TEX51: variants seen among roughly 807,000 people sequenced by gnomAD.
The protein encoded by TEX51 is testis expressed 51.
In TEX51, 14 loss-of-function variants were observed where a neutral mutation model predicts 8.0. The observed-to-expected ratio is 1.76, with a 90% CI of 1.16 to 2.75. The LOEUF is 2.75. TEX51 is among the 30% of genes most tolerant of loss of function. TEX51 has a pLI of 0.00. For synonymous variants in TEX51, 58 were observed against 28.6 expected, an observed-to-expected ratio of 2.03 and a Z score of -3.29; for missense variants, 142 against 77.4, an observed-to-expected ratio of 1.83 and a Z score of -3.13.
rs930137858 is a variant in TEX51 at position 126,899,937 on chromosome 2, C to T, written c.312C>T (p.Asp104=). The part of the protein sequence containing the change: ...NKISDGLKEK[D]IQSTLKVTSC... Reference sequence around the variant, plus strand: ...GCCCCTGTCCCTCCCCTCCCATAGACATACAGTCCACACTGAAGGTCACCA... The same window carrying T: ...GCCCCTGTCCCTCCCCTCCCATAGATATACAGTCCACACTGAAGGTCACCA... Residue 104 remains aspartate (D), a splice_region_variant and synonymous_variant, in exon 4 of 7, where the codon GAC becomes GAT. Coordinates refer to ENST00000568484, the MANE Select transcript of TEX51 (RefSeq NM_001322244.2). 34 of 701,960 alleles carry T rather than the reference C, an allele frequency of 4.8e-5. No homozygotes were observed. The highest frequency in any genetic ancestry group is 7.3e-5 in the Non-Finnish European group (28 of 384,758). 43.5% of individuals were successfully genotyped at this position (701,960 alleles called of 1,614,324 possible).
chr2:126,899,782 T>C (rs1237559140), intron 3 of TEX51, 154 bp from the exon 4 acceptor site: 1 of 701,864 alleles, frequency 1.4e-6, no homozygotes. Context: ...ACCCCTTGGC[T>C]CTGTCTGCCT....
chr2:126,899,332 G>C, intron 2 of TEX51, 41 bp downstream of exon 2: 1 of 701,930 alleles, frequency 1.4e-6, no homozygotes, highest in Middle Eastern at 2.3e-4. Context: ...GGCTTGGGTT[G>C]ACAAAGGCCC....
rs61730220 is a variant in TEX51, at chr2:126,899,285, C to G, written c.214C>G (p.Arg72Gly). 10 of 701,946 alleles carry G rather than the reference C, an allele frequency of 1.4e-5. No individual in the cohort carries two copies. The highest frequency in any genetic ancestry group is 1.0e-4 in the Admixed American group (5 of 49,966). The allele number at this position is 701,946 out of a possible 1,614,324, so 43.5% of individuals were successfully genotyped here. Residue 72 changes from arginine to glycine, a missense_variant, in exon 2 of 7, where the codon CGA becomes GGA. Arg to Gly is a moderately radical substitution (Grantham distance 125). Coordinates refer to ENST00000568484, the MANE Select transcript of TEX51 (RefSeq NM_001322244.2). The part of the protein sequence containing the change: ...TQVHQAIKTL[R>G]DDKTVLLEEI... Reference sequence around the variant, plus strand: ...AGTACACCAAGCCATTAAAACGTTACGAGATGGTGAGGAAGCCAAGAGCCC... The same window carrying G: ...AGTACACCAAGCCATTAAAACGTTAGGAGATGGTGAGGAAGCCAAGAGCCC...
chr2:126,901,994 G>C lies in TEX51; in HGVS notation c.*125G>C. 1.7e-6 allele frequency: 1 copy of C among 581,438 alleles called. No homozygotes were observed. Among genetic ancestry groups the C allele is most frequent in the Non-Finnish European group, 3.1e-6 (1 of 326,094 alleles). 36.0% of individuals were successfully genotyped at this position (581,438 alleles called of 1,614,324 possible). A position where few individuals can be genotyped will look rare whatever the true frequency, so the allele number is the denominator to read the frequency against. On this transcript the variant is annotated 3_prime_UTR_variant, in exon 7 of 7. Transcript: ENST00000568484. ...CCCATACCCTCCATCCTGGGTCCTGGGGCCCCAAAGCTCTGAGGCCTAGGA... is the reference window on the plus strand; with the variant it reads ...CCCATACCCTCCATCCTGGGTCCTGCGGCCCCAAAGCTCTGAGGCCTAGGA...
Position 126,901,965 on chromosome 2 carries a change from T to C in TEX51, c.*96T>C, listed in dbSNP as rs1486106938. 4 of 658,080 alleles carry C rather than the reference T, an allele frequency of 6.1e-6. No homozygotes were observed. The highest frequency in any genetic ancestry group is 3.3e-5 in the South Asian group (2 of 61,148). 40.8% of individuals were successfully genotyped at this position (658,080 alleles called of 1,614,324 possible). On this transcript the variant is annotated 3_prime_UTR_variant, in exon 7 of 7. Transcript: ENST00000568484. ...TCATCTCTGGGTCCCGGTGACCCCA[T>C]CCCCCCATACCCTCCATCCTGGGTC...
chr2:126,899,652 C>G, intron 3 of TEX51, 40 bp downstream of exon 3: 1 of 695,368 alleles, frequency 1.4e-6, no homozygotes, highest in Non-Finnish European at 2.6e-6. Context: ...GCCCAGCCCT[C>G]CACACCTGCC....
At chr2:126,900,227 T>C (rs769599818) in intron 4 of TEX51, among the ~76,000 whole-genome samples, 3 of 151,902 alleles carry the variant, frequency 2.0e-5, no homozygotes, top group Non-Finnish European at 4.4e-5. Flanking sequence ...AGGACATCAC[T>C]CATGGAGGCC....
chr2:126,901,685 G>C (rs1250184198), intron 6 of TEX51, among the ~76,000 whole-genome samples, 187 bp from the exon 7 acceptor site: 2 of 152,118 alleles, frequency 1.3e-5, no homozygotes, highest in East Asian at 1.9e-4. Flanking sequence ...CCTGTCCCCT[G>C]CACACCCCAC....
At position 126,902,074 on chromosome 2, in the gene TEX51, A is replaced by G; in HGVS notation, c.*205A>G. ...CTACACCTTTGTAAAGAGTCTCTTC[A>G]TTAAAACCCCTCTTCATAGCCTAGT... On this transcript the variant is annotated 3_prime_UTR_variant, in exon 7 of 7. Coordinates refer to ENST00000568484, the MANE Select transcript of TEX51 (RefSeq NM_001322244.2). 2.2e-6 allele frequency: 1 copy of G among 457,856 alleles called. No individual in the cohort carries two copies. The highest frequency in any genetic ancestry group is 3.8e-6 in the Non-Finnish European group (1 of 259,790). The allele number at this position is 457,856 out of a possible 1,614,324, so 28.4% of individuals were successfully genotyped here.
rs1313973396 is a variant in TEX51, at chr2:126,899,216, G to C, written c.146-1G>C. On this transcript the variant is annotated splice_acceptor_variant, in intron 1 of 6. Coordinates refer to ENST00000568484, the MANE Select transcript of TEX51 (RefSeq NM_001322244.2). LOFTEE classifies it high-confidence loss of function. ...CCCTTTGACCTGTATCTCATCCTCA[G>C]ATCGTGACCATTTGGAAGAAGAAAC... 7.1e-6 allele frequency: 5 copies of C among 702,152 alleles called. No homozygotes were observed. The highest frequency in any genetic ancestry group is 7.0e-5 in the African/African-American group (4 of 57,212). The allele number at this position is 702,152 out of a possible 1,614,324, so 43.5% of individuals were successfully genotyped here.
intron 6 of TEX51, 86 bp from the exon 7 acceptor site, chr2:126,901,786 T>A (rs759951052): frequency 5.3e-6 from 3 of 566,330 alleles, no homozygotes; most frequent in Non-Finnish European, 9.4e-6. Context: ...CAGGGGAGAC[T>A]CCCAGGAGGA....
At chr2:126,901,071 G>GC in intron 4 of TEX51, 139 bp from the exon 5 acceptor site, 1 of 561,332 alleles carries the variant, frequency 1.8e-6, no homozygotes, top group South Asian at 2.4e-5. Context: ...TATGTGCTGG[G>GC]CGCACAGCGT....
At position 126,901,086 on chromosome 2, in the gene TEX51, A is replaced by G. The variant is rs987931101; in HGVS notation, c.395-124A>G. On this transcript the variant is annotated intron_variant, in intron 4 of 6. Coordinates refer to ENST00000568484, the MANE Select transcript of TEX51 (RefSeq NM_001322244.2). ...TATGTGCTGGGCGCACAGCGTGCTC[A>G]GTAAGTGTTTGCAAACACATCATGA... 2.8e-5 allele frequency: 16 copies of G among 579,772 alleles called. No individual in the cohort carries two copies. In the East Asian group the frequency reaches 4.2e-4, roughly 15 times the overall value. 35.9% of individuals were successfully genotyped at this position (579,772 alleles called of 1,614,324 possible).
intron 4 of TEX51, among the ~76,000 whole-genome samples, chr2:126,900,732 TC>T (rs1680286452): frequency 6.6e-6 from 1 of 152,078 alleles, no homozygotes; most frequent in South Asian, 2.1e-4. Context: ...CCCATGACAC[TC>T]CCTGCTTATA....
In TEX51 at chr2:126,899,976, C is replaced by T. The variant is rs1305954152; in HGVS notation, c.351C>T (p.Cys117=). The change falls in exon 4 of 7, where the codon TGC becomes TGT. Residue 117 remains cysteine (C), a synonymous_variant. Transcript: ENST00000568484. ...TGAAGGTCACCAGCTGTGCTGACTGCAGGACTCACTTCCTCTCCTGCAATG... is the reference window on the plus strand; with the variant it reads ...TGAAGGTCACCAGCTGTGCTGACTGTAGGACTCACTTCCTCTCCTGCAATG... The part of the protein sequence containing the change: ...STLKVTSCAD[C]RTHFLSCNDP... 1.4e-6 allele frequency: 1 copy of T among 701,632 alleles called. No homozygotes were observed. Among genetic ancestry groups the T allele is most frequent in the Non-Finnish European group, 2.6e-6 (1 of 384,824 alleles). The allele number at this position is 701,632 out of a possible 1,614,324, so 43.5% of individuals were successfully genotyped here. A position where few individuals can be genotyped will look rare whatever the true frequency, so the allele number is the denominator to read the frequency against.
In TEX51 at chr2:126,901,175, C is replaced by T. The variant is rs188975463; in HGVS notation, c.395-35C>T. 6.5e-4 allele frequency: 397 copies of T among 612,582 alleles called. 3 individuals are homozygous for T. The highest frequency in any genetic ancestry group is 6.4e-3 in the African/African-American group (347 of 54,522). The allele number at this position is 612,582 out of a possible 1,614,324, so 37.9% of individuals were successfully genotyped here. A position where few individuals can be genotyped will look rare whatever the true frequency, so the allele number is the denominator to read the frequency against. On this transcript the variant is annotated intron_variant, in intron 4 of 6. Transcript: ENST00000568484. ...TCTGAGTTGAGGTAGCCCTGCCTGG[C>T]CTCCAAACACCTGGCTTCCTCTTTC... is the stretch of plus-strand genomic sequence containing the variant.
intron 2 of TEX51, 64 bp from the exon 3 acceptor site, chr2:126,899,459 G>C (rs1558745353): frequency 2.9e-6 from 2 of 681,102 alleles, no homozygotes; most frequent in Non-Finnish European, 5.3e-6. Flanking sequence ...AGAAACAAGG[G>C]TCTGAAAACC....
rs577305640 is a variant in TEX51 at position 126,901,913 on chromosome 2, C to T, written c.*44C>T. On this transcript the variant is annotated 3_prime_UTR_variant, in exon 7 of 7. Coordinates refer to ENST00000568484, the MANE Select transcript of TEX51 (RefSeq NM_001322244.2). Reference sequence around the variant, plus strand: ...ATGTCTTCCAGAAGTGAACAGAGGCCGCAGCTACCACCGTCACAAAGTTCA... The same window carrying T: ...ATGTCTTCCAGAAGTGAACAGAGGCTGCAGCTACCACCGTCACAAAGTTCA... 4.8e-5 allele frequency: 32 copies of T among 669,044 alleles called. No individual in the cohort carries two copies. The highest frequency in any genetic ancestry group is 2.3e-4 in the African/African-American group (13 of 55,410). The allele number at this position is 669,044 out of a possible 1,614,324, so 41.4% of individuals were successfully genotyped here.
chr2:126,899,276 A>G lies in TEX51; in HGVS notation c.205A>G (p.Lys69Glu). Residue 69 changes from lysine to glutamate, a missense_variant, in exon 2 of 7, where the codon AAA becomes GAA. Lys to Glu is a moderately conservative substitution (Grantham distance 56). Transcript: ENST00000568484. ...CTTCACTCAAGTACACCAAGCCATT[A>G]AAACGTTACGAGATGGTGAGGAAGC... The part of the protein sequence containing the change: ...KFFTQVHQAI[K>E]TLRDDKTVLL... 1.4e-6 allele frequency: 1 copy of G among 702,170 alleles called. No homozygotes were observed. The highest frequency in any genetic ancestry group is 2.6e-6 in the Non-Finnish European group (1 of 384,778). 43.5% of individuals were successfully genotyped at this position (702,170 alleles called of 1,614,324 possible). A position where few individuals can be genotyped will look rare whatever the true frequency, so the allele number is the denominator to read the frequency against.
Sources: allele counts gnomAD v4.1 joint callset (sites outside exome capture counted in the v4.1 genomes callset), GRCh38; gene constraint gnomAD v4.1.1; transcripts MANE v1.5; gene names NCBI Gene and HGNC (gene_info 2026-07-23, HGNC 2026-07-21).